ELMO1: variants seen among roughly 807,000 people sequenced by gnomAD.
ELMO1 encodes engulfment and cell motility protein 1.
ELMO1 carries 26 observed loss-of-function variants against 98.9 expected under a neutral mutation model. The ratio of observed to expected loss-of-function variants is 0.26; its 90% CI spans 0.19 to 0.36. The LOEUF is 0.36. Among genes scored for constraint, ELMO1 ranks in the 10% least tolerant of loss-of-function variants. The pLI, the probability that ELMO1 is intolerant of heterozygous loss-of-function variation, is 1.00. For missense variants in ELMO1, 627 were observed against 935.2 expected (o/e 0.67, Z 4.30); for synonymous variants, 346 against 346.0 (o/e 1.00, Z 0.00).
intron 13 of ELMO1, among the ~76,000 whole-genome samples, chr7:37,176,433 C>T (rs941440243): frequency 1.3e-5 from 2 of 152,096 alleles, no homozygotes; most frequent in Non-Finnish European, 2.9e-5. Flanking sequence ...TTTGGTCTAT[C>T]GCAGTGAGAT....
At chr7:36,904,858 A>G (rs1783841009) in intron 16 of ELMO1, among the ~76,000 whole-genome samples, 1 of 152,204 alleles carries the variant, frequency 6.6e-6, no homozygotes, top group African/African-American at 2.4e-5. Context: ...CCATGTGACA[A>G]AGCTGCTTTT....
intron 15 of ELMO1, among the ~76,000 whole-genome samples, chr7:37,094,133 A>C (rs1784258543): frequency 6.6e-6 from 1 of 152,174 alleles, no homozygotes; most frequent in African/African-American, 2.4e-5. Context: ...TTCATTGAAC[A>C]AATTAATAAA....
chr7:37,308,855 G>A (rs563370309), intron 4 of ELMO1, among the ~76,000 whole-genome samples: 18 of 152,316 alleles, frequency 1.2e-4, no homozygotes, highest in Non-Finnish European at 2.2e-4. Context: ...GGGCATCCAC[G>A]CAACATCCAT....
rs7787136 is a variant in ELMO1 at position 37,082,241 on chromosome 7, G to T, written c.1300+14378C>A. On this transcript the variant is annotated intron_variant, in intron 15 of 21. Transcript: ENST00000310758. ...ACCAAACCTAGCCCAGAGGATGCTT[G>T]CATGGGAAAATAGAGGGGGAGAAAT... Among the ~76,000 whole-genome samples the T allele has an allele frequency of 3.3e-5, 5 of 152,006 alleles. No individual in the cohort carries two copies. The East Asian group carries it at 9.6e-4, about 29-fold the overall frequency.
At chr7:37,238,817 C>A (rs1034934005) in intron 7 of ELMO1, among the ~76,000 whole-genome samples, 5 of 152,130 alleles carry the variant, frequency 3.3e-5, no homozygotes, top group Non-Finnish European at 7.4e-5. Flanking sequence ...AGGTTTTCTC[C>A]TTTATTTCAT....
chr7:37,292,919 C>A (rs868677446), intron 4 of ELMO1, among the ~76,000 whole-genome samples: 13 of 43,732 alleles, frequency 3.0e-4, no homozygotes, highest in Non-Finnish European at 3.2e-4. Context: ...AGGGAGGTGG[C>A]GGGGTCAGTC....
chr7:37,022,922 A>T (rs1794356007), intron 15 of ELMO1, among the ~76,000 whole-genome samples: 1 of 152,262 alleles, frequency 6.6e-6, no homozygotes, highest in Non-Finnish European at 1.5e-5. Flanking sequence ...AATGCTACAT[A>T]CAATATGAGT....
At chr7:36,988,498 C>G (rs1232665069) in intron 16 of ELMO1, among the ~76,000 whole-genome samples, 2 of 152,210 alleles carry the variant, frequency 1.3e-5, no homozygotes, top group Admixed American at 1.3e-4. Context: ...GCCTTACAAC[C>G]TGCAGACTCT....
At chr7:37,329,585 C>T (rs2700996) in intron 2 of ELMO1, among the ~76,000 whole-genome samples, 71,767 of 151,866 alleles carry the variant, frequency 0.47, 18,328 homozygotes, top group Non-Finnish European at 0.58. Flanking sequence ...TATCAAAACC[C>T]GAAGGAAATA....
At chr7:37,030,114 CTT>C (rs1450848066) in intron 15 of ELMO1, among the ~76,000 whole-genome samples, 1 of 152,090 alleles carries the variant, frequency 6.6e-6, no homozygotes, top group Non-Finnish European at 1.5e-5. Context: ...CTCTCTCTCT[CTT>C]TTTAAAAATC....
rs1294354718 is a variant in ELMO1, at chr7:37,211,534, G to A, written c.955-17C>T. On this transcript the variant is annotated splice_polypyrimidine_tract_variant and intron_variant, in intron 12 of 21. Transcript: ENST00000310758. The stretch of plus-strand genomic sequence containing the variant: ...CCTCTGAGCCTGAAGGAATCAGGGA[G>A]TAAAAAGAAAAGGGAGGGGAAAAAG... The A allele has an allele frequency of 1.9e-6, 3 of 1,611,020 alleles. No individual in the cohort carries two copies. The highest frequency in any genetic ancestry group is 2.5e-6 in the Non-Finnish European group (3 of 1,178,622).
intron 14 of ELMO1, among the ~76,000 whole-genome samples, chr7:37,123,671 G>C (rs1434436269): frequency 6.6e-6 from 1 of 152,128 alleles, no homozygotes; most frequent in Admixed American, 6.5e-5. Context: ...AAAAAGTCCA[G>C]AACCAGACAG....
chr7:37,063,170 T>C (rs1178581031), intron 15 of ELMO1, among the ~76,000 whole-genome samples: 1 of 152,176 alleles, frequency 6.6e-6, no homozygotes, highest in Non-Finnish European at 1.5e-5. Context: ...GAAACTTATG[T>C]GAAAGTCCAA....
At chr7:37,326,229 G>C (rs1448818027) in intron 2 of ELMO1, among the ~76,000 whole-genome samples, 1 of 152,144 alleles carries the variant, frequency 6.6e-6, no homozygotes, top group African/African-American at 2.4e-5. Flanking sequence ...CCTCTCCACA[G>C]TAGTAAAACC....
intron 4 of ELMO1, among the ~76,000 whole-genome samples, chr7:37,272,931 G>A (rs1796649880): frequency 6.6e-6 from 1 of 152,224 alleles, no homozygotes; most frequent in African/African-American, 2.4e-5. Context: ...TGATGTAAAT[G>A]TTTTGGAACT....
intron 15 of ELMO1, among the ~76,000 whole-genome samples, chr7:37,047,354 A>C (rs1439486413): frequency 6.6e-6 from 1 of 152,228 alleles, no homozygotes; most frequent in Non-Finnish European, 1.5e-5. Flanking sequence ...ACACCTAAGC[A>C]AGACAGCTGG....
chr7:36,937,723 T>A (rs893876442), intron 16 of ELMO1, among the ~76,000 whole-genome samples: 6 of 152,212 alleles, frequency 3.9e-5, no homozygotes, highest in Admixed American at 3.9e-4. Context: ...TAGTCTAAGA[T>A]TTCCTCCCTA....
At chr7:36,991,141 T>C (rs1056949820) in intron 16 of ELMO1, among the ~76,000 whole-genome samples, 1 of 152,216 alleles carries the variant, frequency 6.6e-6, no homozygotes, top group Non-Finnish European at 1.5e-5. Flanking sequence ...TTCATTCTTA[T>C]GAGGGAGGTC....
intron 19 of ELMO1, among the ~76,000 whole-genome samples, chr7:36,872,881 C>T (rs1171449439): frequency 6.6e-6 from 1 of 152,132 alleles, no homozygotes; most frequent in Non-Finnish European, 1.5e-5. Context: ...ATAGCATGGT[C>T]CATGAACTAG....
Sources: allele counts gnomAD v4.1 joint callset (sites outside exome capture counted in the v4.1 genomes callset), GRCh38; gene constraint gnomAD v4.1.1; transcripts MANE v1.5; gene names NCBI Gene and HGNC (gene_info 2026-07-23, HGNC 2026-07-21).